The following GREB1L variants were observed in gnomAD, a reference collection of about 807,000 sequenced individuals.
The protein encoded by GREB1L is GREB1 like retinoic acid receptor coactivator, also known as GREB1-like protein.
GREB1L carries 17 observed loss-of-function variants against 200.8 expected under a neutral mutation model. The observed-to-expected ratio is 0.08, with a 90% confidence interval of 0.06 to 0.13. The LOEUF is 0.13. Ranked by LOEUF, GREB1L falls within the 10% of genes least tolerant of loss-of-function variation. The probability of loss-of-function intolerance (pLI) is 1.00; values close to 1 mark genes in which losing one functional copy is unlikely to be tolerated. For synonymous variants in GREB1L, 789 were observed against 893.0 expected (o/e 0.88, Z 2.08); for missense variants, 1,657 against 2,367.7 (o/e 0.70, Z 6.23).
chr18:21,451,015 T>C lies in GREB1L; in HGVS notation c.1721-8T>C. ...GATGAGTCTTCTCTTCTCTCCTCCA[T>C]CCTGCAGGTCAGCACCAGTCCCGAG... On this transcript the variant is annotated splice_polypyrimidine_tract_variant and splice_region_variant and intron_variant, in intron 12 of 32. Transcript: ENST00000424526. The C allele has an allele frequency of 6.4e-7, 1 of 1,551,738 alleles. No individual in the cohort carries two copies. The highest frequency in any genetic ancestry group is 8.7e-7 in the Non-Finnish European group (1 of 1,146,908).
intron 16 of GREB1L, among the ~76,000 whole-genome samples, chr18:21,475,783 A>G (rs1308868766): frequency 6.6e-5 from 10 of 151,910 alleles, no homozygotes; most frequent in South Asian, 2.1e-4. Context: ...CCTGGCCAAC[A>G]TGGTGAAACC....
intron 5 of GREB1L, among the ~76,000 whole-genome samples, chr18:21,400,429 G>A (rs944746038): frequency 2.6e-5 from 4 of 152,166 alleles, no homozygotes; most frequent in African/African-American, 9.7e-5. Context: ...CTGTCAGAAA[G>A]TATAGCTAGA....
At chr18:21,464,382 A>G (rs950914146) in intron 15 of GREB1L, among the ~76,000 whole-genome samples, 37 of 152,190 alleles carry the variant, frequency 2.4e-4, no homozygotes, top group African/African-American at 8.2e-4. Flanking sequence ...CATCTCTACT[A>G]TAAATACAAA....
intron 1 of GREB1L, among the ~76,000 whole-genome samples, chr18:21,318,061 T>G (rs1262311246): frequency 2.2e-5 from 3 of 138,160 alleles, no homozygotes; most frequent in African/African-American, 8.3e-5. Flanking sequence ...TGAGCTGAGA[T>G]CATGCCACTG....
At chr18:21,522,304 C>G (rs1568084146) in intron 32 of GREB1L, among the ~76,000 whole-genome samples, 1 of 151,778 alleles carries the variant, frequency 6.6e-6, no homozygotes, top group Non-Finnish European at 1.5e-5. Context: ...AACCCCATCT[C>G]TACTAAAATA....
intron 1 of GREB1L, among the ~76,000 whole-genome samples, chr18:21,323,870 G>A (rs2144948434): frequency 6.6e-6 from 1 of 152,268 alleles, no homozygotes; most frequent in Admixed American, 6.5e-5. Context: ...TCTGTGGACA[G>A]TAATTTAGTA....
chr18:21,517,997 G>A, intron 30 of GREB1L, 37 bp from the exon 31 acceptor site: 2 of 1,500,660 alleles, frequency 1.3e-6, no homozygotes, highest in East Asian at 2.5e-5. Context: ...TCCAGTGACA[G>A]ACAAGTTTCC....
chr18:21,333,287 T>C (rs978650987), intron 1 of GREB1L, among the ~76,000 whole-genome samples: 9 of 152,188 alleles, frequency 5.9e-5, no homozygotes, highest in Admixed American at 1.3e-4. Context: ...TGTATAGTGA[T>C]AGTGATACAA....
At chr18:21,312,534 TTTTATTTATTTA>T (rs551473535) in intron 1 of GREB1L, among the ~76,000 whole-genome samples, 10 of 150,554 alleles carry the variant, frequency 6.6e-5, no homozygotes, top group South Asian at 6.3e-4. Context: ...TTATTCTTTA[TTTTATTTATTTA>T]TTTATTTATT....
chr18:21,497,633 A>G (rs947311927), intron 21 of GREB1L, among the ~76,000 whole-genome samples: 5 of 151,740 alleles, frequency 3.3e-5, no homozygotes, highest in African/African-American at 9.7e-5. Flanking sequence ...GACAAGAGGA[A>G]AACTCTGTCT....
chr18:21,248,181 T>C (rs1252325847), intron 1 of GREB1L, among the ~76,000 whole-genome samples: 1 of 152,052 alleles, frequency 6.6e-6, no homozygotes, highest in Non-Finnish European at 1.5e-5. Context: ...TAAACCTGAG[T>C]TGTGAAGCAA....
At chr18:21,244,190 TC>T (rs1259714202) in intron 1 of GREB1L, among the ~76,000 whole-genome samples, 1 of 151,922 alleles carries the variant, frequency 6.6e-6, no homozygotes, top group African/African-American at 2.4e-5. Flanking sequence ...TAATATCTCC[TC>T]CTGCACACAC....
At chr18:21,270,509 T>C (rs2038061220) in intron 1 of GREB1L, among the ~76,000 whole-genome samples, 1 of 152,208 alleles carries the variant, frequency 6.6e-6, no homozygotes, top group Non-Finnish European at 1.5e-5. Context: ...CCCCAGATAC[T>C]ATAAGCCCAG....
At chr18:21,417,529 A>G (rs573857235) in intron 7 of GREB1L, among the ~76,000 whole-genome samples, 10 of 152,078 alleles carry the variant, frequency 6.6e-5, no homozygotes, top group South Asian at 4.2e-4. Context: ...CAAACAAACA[A>G]AAAATAATCT....
chr18:21,273,777 C>T (rs757929559), intron 1 of GREB1L, among the ~76,000 whole-genome samples: 7 of 151,992 alleles, frequency 4.6e-5, no homozygotes, highest in Admixed American at 1.3e-4. Context: ...GCTTGACACA[C>T]GGGAGGAACT....
intron 11 of GREB1L, among the ~76,000 whole-genome samples, chr18:21,448,153 CTG>C (rs2034327748): frequency 1.1e-5 from 1 of 89,820 alleles, no homozygotes; most frequent in East Asian, 2.8e-4. Context: ...CAAAGGGAAA[CTG>C]TCTCAAAAAA....
chr18:21,341,539 T>G (rs1464612365), intron 1 of GREB1L, among the ~76,000 whole-genome samples: 2 of 152,196 alleles, frequency 1.3e-5, no homozygotes, highest in Admixed American at 6.5e-5. Context: ...ACACAGATAA[T>G]TTTTTAAATC....
At chr18:21,393,940 A>G (rs2040937173) in intron 4 of GREB1L, among the ~76,000 whole-genome samples, 1 of 152,214 alleles carries the variant, frequency 6.6e-6, no homozygotes, top group Non-Finnish European at 1.5e-5. Context: ...TGGCTTAGGT[A>G]AAATGAAGAA....
intron 15 of GREB1L, among the ~76,000 whole-genome samples, chr18:21,455,803 A>G (rs1404633287): frequency 6.6e-6 from 1 of 151,980 alleles, no homozygotes; most frequent in Non-Finnish European, 1.5e-5. Context: ...TGTGCCTCTC[A>G]AATTTTATCC....
Sources: allele counts gnomAD v4.1 joint callset (sites outside exome capture counted in the v4.1 genomes callset), GRCh38; gene constraint gnomAD v4.1.1; transcripts MANE v1.5; gene names NCBI Gene and HGNC (gene_info 2026-07-23, HGNC 2026-07-21).